Variants in TMTC1 observed in about 807,000 individuals in gnomAD.
TMTC1 encodes protein O-mannosyl-transferase TMTC1.
TMTC1 carries 73 observed loss-of-function variants against 104.8 expected under a neutral mutation model. The ratio of observed to expected loss-of-function variants is 0.70; its 90% CI spans 0.58 to 0.85. The LOEUF (loss-of-function observed/expected upper bound fraction) is 0.85. TMTC1 is among the 40% of genes least tolerant of loss of function. TMTC1 has a pLI of 0.00. For missense variants in TMTC1, 1,035 were observed against 1,096.1 expected (o/e 0.94, Z 0.79); for synonymous variants, 434 against 428.7 (o/e 1.01, Z -0.15).
rs888099380 is a variant in TMTC1, at chr12:29,781,029, G to A, written c.302+2421C>T. Among the ~76,000 whole-genome samples the A allele has an allele frequency of 5.3e-5, 8 of 152,172 alleles. No homozygotes were observed. The East Asian group carries it at 1.3e-3, about 26-fold the overall frequency. ...TCTAGGCCAATGCTTGGTTCATAGCGAATAGTTAATAAATACGGCTTTCTG... is the reference window on the plus strand; with the variant it reads ...TCTAGGCCAATGCTTGGTTCATAGCAAATAGTTAATAAATACGGCTTTCTG... On this transcript the variant is annotated intron_variant, in intron 1 of 17. Coordinates refer to ENST00000539277, the MANE Select transcript of TMTC1 (RefSeq NM_001193451.2).
intron 8 of TMTC1, among the ~76,000 whole-genome samples, chr12:29,574,082 G>A (rs2136305510): frequency 6.6e-6 from 1 of 152,204 alleles, no homozygotes; most frequent in Non-Finnish European, 1.5e-5. Context: ...CCATAGGGAG[G>A]AACAGAAGGA....
At chr12:29,637,634 G>A (rs2136526894) in intron 5 of TMTC1, among the ~76,000 whole-genome samples, 1 of 152,300 alleles carries the variant, frequency 6.6e-6, no homozygotes, top group South Asian at 2.1e-4. Flanking sequence ...TAACAAAACT[G>A]TGTGGCTCTT....
chr12:29,606,341 T>C (rs1946698211), intron 6 of TMTC1, among the ~76,000 whole-genome samples: 1 of 152,186 alleles, frequency 6.6e-6, no homozygotes, highest in African/African-American at 2.4e-5. Flanking sequence ...ATATAAGCAT[T>C]ACCTTCAAGT....
At chr12:29,664,641 T>C (rs1940203134) in intron 5 of TMTC1, among the ~76,000 whole-genome samples, 1 of 152,242 alleles carries the variant, frequency 6.6e-6, no homozygotes, top group Non-Finnish European at 1.5e-5. Context: ...TTGAGTGTAG[T>C]AACTTATTCA....
intron 5 of TMTC1, among the ~76,000 whole-genome samples, chr12:29,719,808 A>G (rs763219012): frequency 5.3e-5 from 8 of 152,242 alleles, no homozygotes; most frequent in Admixed American, 4.6e-4. Flanking sequence ...TTAGCTCATC[A>G]GTATACTCAC....
rs144948909 is a variant in TMTC1, at chr12:29,730,615, A to T, written c.938+21051T>A. Among the ~76,000 whole-genome samples, 156 of 152,334 alleles carry T rather than the reference A, an allele frequency of 1.0e-3. 1 individual carries two copies. The highest frequency in any genetic ancestry group is 6.8e-3 in the Middle Eastern group (2 of 294). Reference sequence around the variant, plus strand: ...AGGATCACCGGATGACAGCATTGTCATCTGCAGCGAGGATGGTGGCTACGA... The same window carrying T: ...AGGATCACCGGATGACAGCATTGTCTTCTGCAGCGAGGATGGTGGCTACGA... On this transcript the variant is annotated intron_variant, in intron 5 of 17. Coordinates refer to ENST00000539277, the MANE Select transcript of TMTC1 (RefSeq NM_001193451.2).
intron 7 of TMTC1, among the ~76,000 whole-genome samples, chr12:29,585,842 G>A (rs562064276): frequency 1.3e-5 from 2 of 152,022 alleles, no homozygotes; most frequent in Non-Finnish European, 2.9e-5. Context: ...GTTACTGTAG[G>A]CTTGTAGTAT....
At chr12:29,740,194 T>A (rs908742485) in intron 5 of TMTC1, among the ~76,000 whole-genome samples, 6 of 152,040 alleles carry the variant, frequency 3.9e-5, no homozygotes, top group Middle Eastern at 3.2e-3. Flanking sequence ...TTAAAAAAAA[T>A]TTTGAGGAGA....
At chr12:29,644,628 A>G (rs1478772912) in intron 5 of TMTC1, among the ~76,000 whole-genome samples, 1 of 152,190 alleles carries the variant, frequency 6.6e-6, no homozygotes, top group Non-Finnish European at 1.5e-5. Context: ...GCACCCTTCC[A>G]TGAAGGCTAC....
At chr12:29,532,867 C>G (rs1944543323) in intron 11 of TMTC1, 1 of 152,102 alleles carries the variant, frequency 6.6e-6, no homozygotes, top group Admixed American at 6.6e-5. Context: ...CATAAATCTT[C>G]TCATTTTCTT....
At chr12:29,586,653 G>A (rs1387655841) in intron 7 of TMTC1, among the ~76,000 whole-genome samples, 1 of 151,392 alleles carries the variant, frequency 6.6e-6, no homozygotes, top group Non-Finnish European at 1.5e-5. Context: ...AAGGGTTGTT[G>A]AATTTTGTCA....
intron 9 of TMTC1, among the ~76,000 whole-genome samples, chr12:29,561,395 C>T (rs929010932): frequency 8.5e-5 from 13 of 152,098 alleles, no homozygotes; most frequent in African/African-American, 3.1e-4. Context: ...TTCTCAGTGG[C>T]AGAAGTGAAA....
At chr12:29,605,137 G>A (rs1946664889) in intron 6 of TMTC1, among the ~76,000 whole-genome samples, 1 of 151,828 alleles carries the variant, frequency 6.6e-6, no homozygotes, top group Admixed American at 6.6e-5. Flanking sequence ...TGGAGAATAT[G>A]TATTTTTTAA....
At chr12:29,733,162 T>C (rs746205087) in intron 5 of TMTC1, among the ~76,000 whole-genome samples, 29 of 152,322 alleles carry the variant, frequency 1.9e-4, no homozygotes, top group Non-Finnish European at 3.7e-4. Context: ...CATTACCTGC[T>C]TTAATCATCA....
At chr12:29,694,974 C>A (rs1941375384) in intron 5 of TMTC1, among the ~76,000 whole-genome samples, 1 of 151,156 alleles carries the variant, frequency 6.6e-6, no homozygotes, top group African/African-American at 2.5e-5. Flanking sequence ...AAAAAACCTG[C>A]AACAATCTAT....
chr12:29,512,705 A>C (rs765407993), intron 16 of TMTC1, among the ~76,000 whole-genome samples: 4 of 152,166 alleles, frequency 2.6e-5, no homozygotes, highest in Non-Finnish European at 5.9e-5. Context: ...AAAGAGAGTT[A>C]CTTATCCCTC....
At chr12:29,738,978 C>A (rs746506290) in intron 5 of TMTC1, among the ~76,000 whole-genome samples, 1 of 152,168 alleles carries the variant, frequency 6.6e-6, no homozygotes, top group East Asian at 1.9e-4. Flanking sequence ...CACAAATATG[C>A]GGGATTCAAT....
In TMTC1 at chr12:29,502,168, A is replaced by G. The variant is rs1175769115; in HGVS notation, c.*4678T>C. The G allele has an allele frequency of 6.6e-6, 1 of 152,176 alleles. No individual in the cohort carries two copies. Among genetic ancestry groups the G allele is most frequent in the Non-Finnish European group, 1.5e-5 (1 of 68,008 alleles). The allele number at this position is 152,176 out of a possible 1,614,324, so 9.4% of individuals were successfully genotyped here. A position where few individuals can be genotyped will look rare whatever the true frequency, so the allele number is the denominator to read the frequency against. On this transcript the variant is annotated 3_prime_UTR_variant, in exon 18 of 18. Coordinates refer to ENST00000539277, the MANE Select transcript of TMTC1 (RefSeq NM_001193451.2). ...ACCATTTAAATAGCTAAGTTAACCT[A>G]TATTTGGGAGATACCAACATATAAT...
intron 5 of TMTC1, among the ~76,000 whole-genome samples, chr12:29,688,843 T>C (rs1201564099): frequency 6.6e-6 from 1 of 152,216 alleles, no homozygotes; most frequent in Admixed American, 6.5e-5. Flanking sequence ...TACCTTTTTG[T>C]TGGGAACAAA....
Sources: gnomAD v4.1 joint callset for allele counts (sites outside exome capture counted in the v4.1 genomes callset) on GRCh38, gnomAD v4.1.1 for gene constraint, MANE v1.5 for transcripts, NCBI Gene and HGNC (gene_info 2026-07-23, HGNC 2026-07-21) for gene names.